The following AMPH variants were observed in gnomAD, a reference collection of about 807,000 sequenced individuals.
AMPH encodes the protein amphiphysin (Stiff-Mann syndrome with breast cancer 128kD autoantigen).
Under a neutral mutation model 99.1 loss-of-function variants are expected in AMPH, and 49 were observed. That is an observed-to-expected ratio of 0.49 (90% CI 0.39 to 0.63). The LOEUF is 0.63. AMPH is among the 20% of genes least tolerant of loss of function. The pLI, the probability that AMPH is intolerant of heterozygous loss-of-function variation, is 0.00. For missense variants in AMPH, 759 were observed against 863.4 expected (o/e 0.88, Z 1.52); for synonymous variants, 314 against 317.3 (o/e 0.99, Z 0.11).
chr7:38,507,832 G>A (rs2129028967), intron 2 of AMPH, among the ~76,000 whole-genome samples: 1 of 152,254 alleles, frequency 6.6e-6, no homozygotes, highest in South Asian at 2.1e-4. Context: ...CAGGAGGGCA[G>A]GGGAGTCTAT....
intron 14 of AMPH, among the ~76,000 whole-genome samples, chr7:38,427,670 C>G (rs1164271791): frequency 8.2e-6 from 1 of 121,700 alleles, no homozygotes; most frequent in Non-Finnish European, 1.6e-5. Flanking sequence ...TTTTGGTCAA[C>G]CTATTTGTGT....
At chr7:38,450,183 C>G (rs1329271789) in intron 11 of AMPH, among the ~76,000 whole-genome samples, 1 of 152,100 alleles carries the variant, frequency 6.6e-6, no homozygotes, top group Non-Finnish European at 1.5e-5. Flanking sequence ...CTTGGATGTT[C>G]AAGGGATAAT....
At chr7:38,451,330 T>TATACACATATATACAC (rs1562764301) in intron 11 of AMPH, among the ~76,000 whole-genome samples, 1 of 128,994 alleles carries the variant, frequency 7.8e-6, no homozygotes, top group African/African-American at 3.8e-5. Context: ...TATATACACA[T>TATACACATATATACAC]GTATATATAC....
chr7:38,556,461 C>T (rs569654831), intron 1 of AMPH, among the ~76,000 whole-genome samples: 39 of 152,264 alleles, frequency 2.6e-4, no homozygotes, highest in South Asian at 4.2e-4. Context: ...GTGTGCCTGA[C>T]GGGCTCACTC....
At chr7:38,473,989 G>T (rs6947136) in intron 7 of AMPH, among the ~76,000 whole-genome samples, 1 of 152,032 alleles carries the variant, frequency 6.6e-6, no homozygotes, top group African/African-American at 2.4e-5. Flanking sequence ...AGGCCACAGA[G>T]ATGTCAAGGT....
chr7:38,461,007 TA>T (rs1223382607), intron 11 of AMPH, among the ~76,000 whole-genome samples: 1 of 152,190 alleles, frequency 6.6e-6, no homozygotes, highest in Non-Finnish European at 1.5e-5. Context: ...AAACAATTTT[TA>T]AAAATAAGAT....
chr7:38,629,378 A>C (rs1265797438), intron 1 of AMPH, among the ~76,000 whole-genome samples: 10 of 152,112 alleles, frequency 6.6e-5, no homozygotes, highest in Non-Finnish European at 1.3e-4. Context: ...ACCTTTCCCC[A>C]GTGAAGAAAA....
chr7:38,602,668 T>C (rs1420214792), intron 1 of AMPH, among the ~76,000 whole-genome samples: 1 of 152,156 alleles, frequency 6.6e-6, no homozygotes, highest in African/African-American at 2.4e-5. Context: ...ATCTACAAAG[T>C]CTCTTTTGTC....
chr7:38,584,231 G>C (rs1792566653), intron 1 of AMPH, among the ~76,000 whole-genome samples: 1 of 152,190 alleles, frequency 6.6e-6, no homozygotes, highest in South Asian at 2.1e-4. Context: ...AGTGACTCCA[G>C]GTAGTCTTTG....
chr7:38,484,119 T>C (rs1562784396), intron 5 of AMPH, among the ~76,000 whole-genome samples: 1 of 152,064 alleles, frequency 6.6e-6, no homozygotes, highest in Non-Finnish European at 1.5e-5. Context: ...TTAAGGGATT[T>C]ATGGGACACC....
intron 7 of AMPH, among the ~76,000 whole-genome samples, chr7:38,468,238 A>G (rs897395490): frequency 6.6e-6 from 1 of 152,178 alleles, no homozygotes; most frequent in African/African-American, 2.4e-5. Context: ...TTTGAAGTTT[A>G]TATTTCTTCA....
At chr7:38,619,822 G>T (rs1793993707) in intron 1 of AMPH, among the ~76,000 whole-genome samples, 1 of 152,142 alleles carries the variant, frequency 6.6e-6, no homozygotes, top group Non-Finnish European at 1.5e-5. Context: ...CAAGCATTTT[G>T]TAAAGGGATG....
At chr7:38,452,711 A>T (rs2299948) in intron 11 of AMPH, among the ~76,000 whole-genome samples, 25,318 of 152,176 alleles carry the variant, frequency 0.17, 2,325 homozygotes, top group East Asian at 0.28. Flanking sequence ...GTCACTGATT[A>T]GTGCCATGTG....
At position 38,407,527 on chromosome 7, in the gene AMPH, T is replaced by C. The variant is rs537351180; in HGVS notation, c.1398+10298A>G. Among the ~76,000 whole-genome samples the C allele has an allele frequency of 1.1e-4, 16 of 152,040 alleles. 1 individual carries two copies. The highest frequency in any genetic ancestry group is 3.9e-4 in the African/African-American group (16 of 41,492). On this transcript the variant is annotated intron_variant, in intron 17 of 20. Transcript: ENST00000356264. ...TTGGGTATAAAGTTCACTATTTGGG[T>C]GATGGTTTAATAGAAGCCCAAATCT...
intron 1 of AMPH, among the ~76,000 whole-genome samples, chr7:38,594,355 T>A (rs1217952642): frequency 6.6e-6 from 1 of 152,208 alleles, no homozygotes; most frequent in Admixed American, 6.5e-5. Context: ...GAAGACACTT[T>A]CCTAAAACAC....
intron 9 of AMPH, 89 bp from the exon 10 acceptor site, chr7:38,463,202 G>T (rs1182348250): frequency 1.9e-6 from 3 of 1,558,764 alleles, no homozygotes; most frequent in African/African-American, 1.4e-5. Flanking sequence ...AAACCCAGAA[G>T]CCTAACAGGT....
At position 38,422,472 on chromosome 7, in the gene AMPH, C is replaced by T. The variant is rs1284067389; in HGVS notation, c.1221G>A (p.Gln407=). Residue 407 remains glutamine, a synonymous_variant, in exon 16 of 21, where the codon CAG becomes CAA. Coordinates refer to ENST00000356264, the MANE Select transcript of AMPH (RefSeq NM_001635.4). ...TCTGCATTGTGAATAATGAAGTATC[C>T]TGGGGCTGAAAATCAAGGATAAAAA... ...GGSFNGFTQP[Q]DTSLFTMQTD... 1 of 1,612,750 alleles carries T rather than the reference C, an allele frequency of 6.2e-7. No homozygotes were observed. Among genetic ancestry groups the T allele is most frequent in the South Asian group, 1.1e-5 (1 of 90,972 alleles).
intron 1 of AMPH, among the ~76,000 whole-genome samples, chr7:38,538,815 G>A (rs938443830): frequency 2.0e-5 from 3 of 152,194 alleles, no homozygotes; most frequent in African/African-American, 7.2e-5. Flanking sequence ...AGACTGAGTA[G>A]GCATTGATTC....
At chr7:38,609,850 TA>T (rs552351224) in intron 1 of AMPH, among the ~76,000 whole-genome samples, 143 of 152,250 alleles carry the variant, frequency 9.4e-4, no homozygotes, top group Non-Finnish European at 1.7e-3. Flanking sequence ...CAGCACTCAA[TA>T]ATCATTAATT....
Sources: gnomAD v4.1 joint callset for allele counts (sites outside exome capture counted in the v4.1 genomes callset) on GRCh38, gnomAD v4.1.1 for gene constraint, MANE v1.5 for transcripts, NCBI Gene and HGNC (gene_info 2026-07-23, HGNC 2026-07-21) for gene names.